The following LDLRAD3 variants were observed in gnomAD, a reference collection of about 807,000 sequenced individuals.
LDLRAD3 encodes the protein low-density lipoprotein receptor class A domain-containing protein 3.
LDLRAD3 carries 20 observed loss-of-function variants against 29.4 expected under a neutral mutation model. The ratio of observed to expected loss-of-function variants is 0.68; its 90% CI spans 0.48 to 0.99. The LOEUF (loss-of-function observed/expected upper bound fraction) is 0.99, where lower values mean the gene tolerates loss of function less well. LDLRAD3 is among the 50% of genes least tolerant of loss of function. The pLI, the probability that LDLRAD3 is intolerant of heterozygous loss-of-function variation, is 0.00. For synonymous variants in LDLRAD3, 157 were observed against 192.7 expected (o/e 0.81, Z 1.53); for missense variants, 420 against 454.3 (o/e 0.92, Z 0.69).
intron 1 of LDLRAD3, among the ~76,000 whole-genome samples, chr11:36,015,286 A>G (rs564774613): frequency 6.6e-6 from 1 of 151,492 alleles, no homozygotes; most frequent in Admixed American, 6.6e-5. Flanking sequence ...TCAATTAAAA[A>G]TAAATCCGGG....
Position 36,044,967 on chromosome 11 carries a change from T to A in LDLRAD3, c.193+8718T>A, listed in dbSNP as rs145175730. Among the ~76,000 whole-genome samples the A allele has an allele frequency of 3.3e-5, 5 of 152,378 alleles. 1 individual carries two copies. The highest frequency in any genetic ancestry group is 1.2e-4 in the African/African-American group (5 of 41,586). On this transcript the variant is annotated intron_variant, in intron 2 of 5. Coordinates refer to ENST00000315571, the MANE Select transcript of LDLRAD3 (RefSeq NM_174902.4). ...TCAGGCTTCTCAGCCTCCATGAGTA[T>A]GTAGTCTTTTCCACCTTCACCACAC...
chr11:36,050,763 A>G (rs1852515192), intron 2 of LDLRAD3, among the ~76,000 whole-genome samples: 2 of 152,172 alleles, frequency 1.3e-5, no homozygotes, highest in Non-Finnish European at 2.9e-5. Flanking sequence ...GAGTGACAGT[A>G]TCTTAATCCA....
At chr11:36,209,867 T>A (rs1293332990) in intron 4 of LDLRAD3, among the ~76,000 whole-genome samples, 1 of 152,196 alleles carries the variant, frequency 6.6e-6, no homozygotes, top group Non-Finnish European at 1.5e-5. Context: ...ACCATAGATA[T>A]GTGCTAATAT....
chr11:35,977,052 T>A (rs1851485706), intron 1 of LDLRAD3, among the ~76,000 whole-genome samples: 1 of 152,214 alleles, frequency 6.6e-6, no homozygotes. Flanking sequence ...GAAAACTGCA[T>A]TGCTCAGGCA....
At chr11:36,046,328 G>C (rs1590224595) in intron 2 of LDLRAD3, among the ~76,000 whole-genome samples, 1 of 152,178 alleles carries the variant, frequency 6.6e-6, no homozygotes, top group African/African-American at 2.4e-5. Context: ...CCCCAGCCAT[G>C]TGGAACTGAG....
chr11:36,173,146 TG>T (rs1854622230), intron 4 of LDLRAD3, among the ~76,000 whole-genome samples: 1 of 152,188 alleles, frequency 6.6e-6, no homozygotes, highest in African/African-American at 2.4e-5. Context: ...AATGGTCTTT[TG>T]TATTTCTGTG....
At chr11:35,947,630 A>G (rs1851074603) in intron 1 of LDLRAD3, among the ~76,000 whole-genome samples, 1 of 152,220 alleles carries the variant, frequency 6.6e-6, no homozygotes, top group African/African-American at 2.4e-5. Flanking sequence ...TACTTTAAGC[A>G]CATGATCCCA....
intron 4 of LDLRAD3, among the ~76,000 whole-genome samples, chr11:36,178,802 C>A (rs566273152): frequency 2.6e-5 from 4 of 152,234 alleles, no homozygotes; most frequent in Non-Finnish European, 4.4e-5. Flanking sequence ...CCTCCCATCC[C>A]TCCTGCCTTT....
intron 1 of LDLRAD3, among the ~76,000 whole-genome samples, chr11:36,035,068 C>A (rs1432157756): frequency 2.6e-5 from 4 of 152,114 alleles, no homozygotes; most frequent in Non-Finnish European, 5.9e-5. Context: ...GCCTTTATCT[C>A]TGCATCTTTA....
At chr11:35,979,689 A>G (rs967877669) in intron 1 of LDLRAD3, among the ~76,000 whole-genome samples, 1 of 152,186 alleles carries the variant, frequency 6.6e-6, no homozygotes, top group Non-Finnish European at 1.5e-5. Flanking sequence ...CCAAGTTAAA[A>G]TCGAGTTAGG....
intron 2 of LDLRAD3, among the ~76,000 whole-genome samples, chr11:36,064,198 C>T (rs1852752389): frequency 6.6e-6 from 1 of 152,108 alleles, no homozygotes; most frequent in Admixed American, 6.5e-5. Context: ...TTCATAATTT[C>T]ATTTTTGGAT....
intron 4 of LDLRAD3, among the ~76,000 whole-genome samples, chr11:36,189,654 G>C (rs1854909762): frequency 6.6e-6 from 1 of 151,650 alleles, no homozygotes; most frequent in Non-Finnish European, 1.5e-5. Flanking sequence ...ATGTATACAT[G>C]TGCCATGTTG....
Position 36,213,620 on chromosome 11 carries a change from T to A in LDLRAD3, c.455-13465T>A, listed in dbSNP as rs1855312873. On this transcript the variant is annotated intron_variant, in intron 4 of 5. Transcript: ENST00000315571. This position sits in a 1 kb window ranked among gnomAD's most constrained non-coding sequence, Gnocchi z 4.1. ...GTGGCAGAGGCCATGGTAGGAGGCA[T>A]GCAGGAGTGAAATGGGACCCCCAGG... Among the ~76,000 whole-genome samples the A allele has an allele frequency of 6.6e-6, 1 of 152,178 alleles. No individual in the cohort carries two copies.
chr11:36,185,123 G>A (rs916016094), intron 4 of LDLRAD3, among the ~76,000 whole-genome samples: 36 of 152,150 alleles, frequency 2.4e-4, no homozygotes, highest in African/African-American at 8.2e-4. Context: ...AAGTCTCTGC[G>A]CTAGAATTAT....
intron 1 of LDLRAD3, among the ~76,000 whole-genome samples, chr11:36,013,751 C>T (rs1851985944): frequency 6.7e-6 from 1 of 149,558 alleles, no homozygotes; most frequent in Non-Finnish European, 1.5e-5. Context: ...CTTTTCTTCT[C>T]AGGAGTTTGC....
chr11:36,139,826 A>C (rs1158049886), intron 4 of LDLRAD3, among the ~76,000 whole-genome samples: 1 of 152,158 alleles, frequency 6.6e-6, no homozygotes, highest in Admixed American at 6.5e-5. Context: ...GGAAGAACCT[A>C]GTATGGAAAG....
intron 4 of LDLRAD3, among the ~76,000 whole-genome samples, chr11:36,142,192 A>C (rs965129204): frequency 6.6e-6 from 1 of 152,176 alleles, no homozygotes; most frequent in Non-Finnish European, 1.5e-5. Context: ...CTCTGAATGC[A>C]GTGACACACT....
At chr11:36,086,019 C>T (rs1853190904) in intron 3 of LDLRAD3, among the ~76,000 whole-genome samples, 1 of 152,168 alleles carries the variant, frequency 6.6e-6, no homozygotes, top group Admixed American at 6.5e-5. Context: ...CTGTCATCTC[C>T]AGTCTGCTTT....
At chr11:36,146,086 G>T (rs1202562593) in intron 4 of LDLRAD3, among the ~76,000 whole-genome samples, 3 of 151,668 alleles carry the variant, frequency 2.0e-5, no homozygotes, top group African/African-American at 4.9e-5. Context: ...CATAACACCA[G>T]GTAAATAGCC....
Sources: allele counts gnomAD v4.1 joint callset (sites outside exome capture counted in the v4.1 genomes callset), GRCh38; gene constraint gnomAD v4.1.1; non-coding constraint Gnocchi (gnomAD v3.1); transcripts MANE v1.5; gene names NCBI Gene and HGNC (gene_info 2026-07-23, HGNC 2026-07-21).